TMPRSS9: variants seen among roughly 807,000 people sequenced by gnomAD.
The protein encoded by TMPRSS9 is transmembrane serine protease 9.
In TMPRSS9, 113 loss-of-function variants were observed where a neutral mutation model predicts 111.4. The observed-to-expected ratio is 1.01, with a 90% CI of 0.87 to 1.19. The LOEUF is 1.19. Ranked by LOEUF, TMPRSS9 falls within the 50% of genes most tolerant of loss-of-function variation. The probability of loss-of-function intolerance (pLI) is 0.00; values close to 1 mark genes in which losing one functional copy is unlikely to be tolerated. For synonymous variants in TMPRSS9, 805 were observed against 659.1 expected (o/e 1.22, Z -3.39); for missense variants, 1,803 against 1,513.1 (o/e 1.19, Z -3.18).
intron 15 of TMPRSS9, 111 bp downstream of exon 16, chr19:2,424,368 C>T: frequency 8.5e-7 from 1 of 1,170,918 alleles, no homozygotes; most frequent in South Asian, 3.4e-5. Context: ...GTGCCCTCCC[C>T]AACCCCGGCT....
At chr19:2,371,035 C>T (rs1311751306) in intron 1 of TMPRSS9, among the ~76,000 whole-genome samples, 1 of 152,088 alleles carries the variant, frequency 6.6e-6, no homozygotes, top group Non-Finnish European at 1.5e-5. Flanking sequence ...TAATTTTTCT[C>T]CCAGGGCCAA....
chr19:2,406,969 T>G (rs1970982358), intron 7 of TMPRSS9, among the ~76,000 whole-genome samples: 1 of 151,290 alleles, frequency 6.6e-6, no homozygotes, highest in African/African-American at 2.4e-5. Context: ...CTGGCTAATT[T>G]TTGTATTTTT....
chr19:2,381,639 G>A (rs1386068893), intron 1 of TMPRSS9, among the ~76,000 whole-genome samples: 2 of 145,356 alleles, frequency 1.4e-5, no homozygotes, highest in Admixed American at 6.9e-5. Context: ...CTCACTCCCC[G>A]CCACCCTGGT....
intron 1 of TMPRSS9, among the ~76,000 whole-genome samples, chr19:2,373,124 C>T (rs142385931): frequency 0.037 from 5,653 of 151,324 alleles, 243 homozygotes; most frequent in African/African-American, 0.1. Flanking sequence ...TGAGCCACTG[C>T]GCCCAGCCAG....
intron 1 of TMPRSS9, among the ~76,000 whole-genome samples, chr19:2,376,523 G>A (rs543291729): frequency 6.6e-6 from 1 of 151,976 alleles, no homozygotes; most frequent in African/African-American, 2.4e-5. Flanking sequence ...GCAGTGGCAC[G>A]ACCTTGGCTC....
intron 6 of TMPRSS9, among the ~76,000 whole-genome samples, chr19:2,404,249 TTAAG>T (rs552705433): frequency 6.6e-6 from 1 of 152,068 alleles, no homozygotes; most frequent in Non-Finnish European, 1.5e-5. Context: ...GGACAGCAGT[TTAAG>T]TATTGAAAAG....
upstream of TMPRSS9, chr19:2,389,706 G>T: frequency 6.7e-7 from 1 of 1,503,668 alleles, no homozygotes; most frequent in Non-Finnish European, 9.0e-7. Context: ...CTTATGGGAA[G>T]AGAAGCACCT....
At chr19:2,394,165 T>C (rs558199174) in intron 1 of TMPRSS9, among the ~76,000 whole-genome samples, 1 of 152,156 alleles carries the variant, frequency 6.6e-6, no homozygotes, top group East Asian at 1.9e-4. Context: ...ATCGTGCCAC[T>C]GCATCCCAGC....
At chr19:2,416,766 G>T in exon 12 of TMPRSS9, 1 of 1,612,506 alleles carries the variant, frequency 6.2e-7, no homozygotes, top group Non-Finnish European at 8.5e-7. Context: ...CTGTGGGCCG[G>T]AAGTGCATGA....
At chr19:2,377,044 TCTC>T (rs1333818574) in intron 1 of TMPRSS9, among the ~76,000 whole-genome samples, 2 of 151,330 alleles carry the variant, frequency 1.3e-5, no homozygotes, top group African/African-American at 4.9e-5. Context: ...CACGCTGGCT[TCTC>T]CTGAGTCCCT....
rs143777788 is a variant in TMPRSS9 at position 2,371,417 on chromosome 19, C to T, written c.-26+11057C>T. Among the ~76,000 whole-genome samples, 303 of 152,090 alleles carry T rather than the reference C, an allele frequency of 2.0e-3. 3 individuals carry two copies. The highest frequency in any genetic ancestry group is 0.015 in the East Asian group (76 of 5,148). On this transcript the variant is annotated intron_variant, in intron 1 of 17. Coordinates refer to the TMPRSS9 transcript ENST00000649857. ...AAACTGGAATAGCTGCCGGGCGCAG[C>T]GGCTCACGCCTGTAATCCCAGCACT...
In TMPRSS9 at chr19:2,403,114, AACAG is replaced by A. The variant is rs777694708; in HGVS notation, c.590_593del (p.Asn197ThrfsTer4). On this transcript the variant is annotated frameshift_variant, in exon 6 of 18. Coordinates refer to ENST00000648592, the Ensembl canonical transcript of TMPRSS9. LOFTEE classifies it high-confidence loss of function. Reference sequence around the variant, plus strand: ...TCCAGGGAACTCCTTTTCCTGCGGGAACAGCCAGTGTGTGACCAAGGTGAACCCG... The same window carrying A: ...TCCAGGGAACTCCTTTTCCTGCGGGACCAGTGTGTGACCAAGGTGAACCCG... 6.2e-7 allele frequency: 1 copy of A among 1,612,366 alleles called. No individual in the cohort carries two copies. The highest frequency in any genetic ancestry group is 8.5e-7 in the Non-Finnish European group (1 of 1,179,696).
Position 2,379,624 on chromosome 19 carries a change from T to TCTTTCTTTCTTTCTTTC in TMPRSS9, c.-25-10136_-25-10120dup. ...TAAACTAACTTTCTTTCTCTTTCTT[T>TCTTTCTTTCTTTCTTTC]CTTTCTTTCTTTCTTTCTTTCTTTC... On this transcript the variant is annotated intron_variant, in intron 1 of 17. Coordinates refer to the TMPRSS9 transcript ENST00000649857. 3.2e-5 allele frequency among the ~76,000 whole-genome samples: 4 copies of TCTTTCTTTCTTTCTTTC among 125,766 alleles called. No individual in the cohort carries two copies. In the East Asian group the frequency reaches 9.7e-4, roughly 31 times the overall value. 82.5% of individuals were successfully genotyped at this position (125,766 alleles called of 152,430 possible).
At chr19:2,387,670 G>A (rs762457516), upstream of TMPRSS9, among the ~76,000 whole-genome samples, 4 of 151,872 alleles carry the variant, frequency 2.6e-5, no homozygotes, top group Non-Finnish European at 5.9e-5. Context: ...ACTTAAGCCC[G>A]GAAATTTGAA....
At chr19:2,387,995 T>C (rs374694053), upstream of TMPRSS9, among the ~76,000 whole-genome samples, 1 of 152,146 alleles carries the variant, frequency 6.6e-6, no homozygotes, top group South Asian at 2.1e-4. Flanking sequence ...GAGGAATGAC[T>C]GGATTAGGAA....
intron 1 of TMPRSS9, among the ~76,000 whole-genome samples, chr19:2,393,159 C>T (rs1002887320): frequency 2.0e-5 from 3 of 152,124 alleles, no homozygotes; most frequent in South Asian, 2.1e-4. Context: ...CGGCAACCGG[C>T]TTGGGGACCT....
intron 5 of TMPRSS9, among the ~76,000 whole-genome samples, chr19:2,402,690 A>G (rs1249776039): frequency 6.6e-6 from 1 of 152,180 alleles, no homozygotes; most frequent in Non-Finnish European, 1.5e-5. Flanking sequence ...GTGAGCCGCG[A>G]TTGTGCCATT....
At chr19:2,380,257 C>T (rs185205052) in intron 1 of TMPRSS9, among the ~76,000 whole-genome samples, 4 of 151,808 alleles carry the variant, frequency 2.6e-5, no homozygotes, top group Non-Finnish European at 5.9e-5. Flanking sequence ...GCACCCTAGC[C>T]TGGGTCACAG....
intron 1 of TMPRSS9, among the ~76,000 whole-genome samples, chr19:2,377,451 T>TCCCCTCC (rs1970345753): frequency 9.6e-6 from 1 of 103,812 alleles, no homozygotes; most frequent in African/African-American, 4.5e-5. Flanking sequence ...TCTTTCCTTC[T>TCCCCTCC]CCCCTCCCCT....
Sources: gnomAD v4.1 joint callset for allele counts (sites outside exome capture counted in the v4.1 genomes callset) on GRCh38, gnomAD v4.1.1 for gene constraint, MANE v1.5 for transcripts, NCBI Gene and HGNC (gene_info 2026-07-23, HGNC 2026-07-21) for gene names.